The following AGO2 variants were observed in gnomAD, a reference collection of about 807,000 sequenced individuals.
The protein encoded by AGO2 is protein argonaute-2.
Under a neutral mutation model 102.3 loss-of-function variants are expected in AGO2, and 5 were observed. That is an observed-to-expected ratio of 0.05 (90% CI 0.03 to 0.10). The LOEUF (loss-of-function observed/expected upper bound fraction) is 0.10, where lower values mean the gene tolerates loss of function less well. AGO2 is among the 10% of genes least tolerant of loss of function. The pLI is 1.00. For missense variants in AGO2, 541 were observed against 1,183.7 expected (o/e 0.46, Z 7.97); for synonymous variants, 449 against 473.1 (o/e 0.95, Z 0.66).
intron 1 of AGO2, among the ~76,000 whole-genome samples, chr8:140,634,736 G>C (rs769149986): frequency 5.6e-4 from 86 of 152,370 alleles, no homozygotes; most frequent in Non-Finnish European, 9.6e-4. Flanking sequence ...CACTTGAATG[G>C]GGAGGCCGGC....
chr8:140,628,255 G>A (rs2074299337), intron 1 of AGO2, among the ~76,000 whole-genome samples: 2 of 152,324 alleles, frequency 1.3e-5, no homozygotes, highest in South Asian at 4.1e-4. Flanking sequence ...CTGCCTTACT[G>A]GGGCTGCCAG....
At position 140,584,053 on chromosome 8, in the gene AGO2, C is replaced by T. The variant is rs532491654; in HGVS notation, c.215+1066G>A. ...CTCTATCCTATTGGTTCTGTCGCTC[C>T]GGAGGATGCTTACAAATGCAATGTA... On this transcript the variant is annotated intron_variant, in intron 2 of 18. Transcript: ENST00000220592. Among the ~76,000 whole-genome samples, 6 of 150,866 alleles carry T rather than the reference C, an allele frequency of 4.0e-5. No homozygotes were observed. In the East Asian group the frequency reaches 5.8e-4, roughly 15 times the overall value.
intron 12 of AGO2, 79 bp from the exon 13 acceptor site, chr8:140,547,706 C>G: frequency 6.5e-7 from 1 of 1,528,650 alleles, no homozygotes; most frequent in Non-Finnish European, 8.8e-7. Flanking sequence ...CTGCCACCAG[C>G]CCTCTTGCCC....
chr8:140,561,926 C>T (rs1488816114), intron 4 of AGO2, among the ~76,000 whole-genome samples: 1 of 152,240 alleles, frequency 6.6e-6, no homozygotes, highest in Admixed American at 6.5e-5. Flanking sequence ...GAAATTAGTG[C>T]AACCCTCTGC....
intron 17 of AGO2, among the ~76,000 whole-genome samples, chr8:140,534,762 C>CTCTGCAGG (rs2072665552): frequency 6.6e-6 from 1 of 152,192 alleles, no homozygotes; most frequent in East Asian, 1.9e-4. Context: ...ACCAAAAGCC[C>CTCTGCAGG]CTCTGATCAA....
chr8:140,556,951 C>G, intron 8 of AGO2, 138 bp downstream of exon 8: 1 of 1,281,370 alleles, frequency 7.8e-7, no homozygotes, highest in Non-Finnish European at 1.1e-6. Flanking sequence ...CCCATTAACC[C>G]ACCCGCATTC....
At chr8:140,580,356 G>T (rs528794637) in intron 2 of AGO2, among the ~76,000 whole-genome samples, 1 of 152,386 alleles carries the variant, frequency 6.6e-6, no homozygotes, top group East Asian at 1.9e-4. Flanking sequence ...TAAAGCCTCT[G>T]TGTTGGACTC....
Position 140,635,534 on chromosome 8 carries a change from C to T in AGO2, c.-28G>A. ...TGGCGCCGCCGAGGGGCTCCGGGGCCGAGGGGCGGCCGCGCGCGCGCCACG... is the reference window on the plus strand; with the variant it reads ...TGGCGCCGCCGAGGGGCTCCGGGGCTGAGGGGCGGCCGCGCGCGCGCCACG... On this transcript the variant is annotated 5_prime_UTR_variant, in exon 1 of 19. Transcript: ENST00000220592. 4.1e-6 allele frequency: 4 copies of T among 978,694 alleles called. No homozygotes were observed. Among genetic ancestry groups the T allele is most frequent in the Non-Finnish European group, 4.8e-6 (4 of 827,082 alleles). 60.6% of individuals were successfully genotyped at this position (978,694 alleles called of 1,614,324 possible). A position where few individuals can be genotyped will look rare whatever the true frequency, so the allele number is the denominator to read the frequency against.
chr8:140,572,775 G>A (rs766658122), intron 3 of AGO2, 37 bp downstream of exon 3: 80 of 1,599,186 alleles, frequency 5.0e-5, no homozygotes, highest in Admixed American at 3.3e-4. Flanking sequence ...TTACTTCACC[G>A]TATGTTACTC....
chr8:140,606,875 T>C (rs936806832), intron 1 of AGO2, among the ~76,000 whole-genome samples: 6 of 149,316 alleles, frequency 4.0e-5, no homozygotes, highest in African/African-American at 1.5e-4. Flanking sequence ...AGACGGAGGT[T>C]GTGGTGAGCC....
At chr8:140,561,855 C>T (rs1286750383) in intron 4 of AGO2, among the ~76,000 whole-genome samples, 1 of 152,220 alleles carries the variant, frequency 6.6e-6, no homozygotes. Flanking sequence ...AGTGTGAGGG[C>T]AGGTGTGCTG....
intron 1 of AGO2, among the ~76,000 whole-genome samples, chr8:140,598,174 C>T (rs62529975): frequency 0.084 from 12,784 of 152,250 alleles, 613 homozygotes; most frequent in Non-Finnish European, 0.11. Flanking sequence ...AAACAGACAC[C>T]CACAAGAGCG....
chr8:140,571,221 A>G (rs2073373427), intron 3 of AGO2, among the ~76,000 whole-genome samples: 1 of 152,114 alleles, frequency 6.6e-6, no homozygotes, highest in Non-Finnish European at 1.5e-5. Context: ...AGAGCCCTAT[A>G]TCGTAACTCG....
chr8:140,557,592 C>T lies in AGO2; in HGVS notation c.879-356G>A, dbSNP rs1183245695. On this transcript the variant is annotated intron_variant, in intron 7 of 18. Transcript: ENST00000220592. The surrounding 1 kb of genome is among the most constrained non-coding windows in gnomAD (Gnocchi z 5.9). ...CTGGAAGCCTTTTACGTGCCGCGCG[C>T]TCCCGGTGCCCAGAAGGCCTGAAGC... Among the ~76,000 whole-genome samples the T allele has an allele frequency of 2.0e-5, 3 of 152,226 alleles. No individual in the cohort carries two copies. The highest frequency in any genetic ancestry group is 4.8e-5 in the African/African-American group (2 of 41,448).
At chr8:140,604,321 A>C (rs983309329) in intron 1 of AGO2, among the ~76,000 whole-genome samples, 1 of 152,246 alleles carries the variant, frequency 6.6e-6, no homozygotes. Context: ...AAATTACATA[A>C]GCGAAAATGC....
rs773713382 is a variant in AGO2 at position 140,535,491 on chromosome 8, G to A, written c.2248C>T (p.Leu750=). The A allele has an allele frequency of 6.2e-7, 1 of 1,614,242 alleles. No homozygotes were observed. Among genetic ancestry groups the A allele is most frequent in the Non-Finnish European group, 8.5e-7 (1 of 1,180,024 alleles). Reference sequence around the variant, plus strand: ...ACCTGGATGCCAGCGTGACTACACAGGTAGAAGTCGAACTCGGTGGGGTGG... The same window carrying A: ...ACCTGGATGCCAGCGTGACTACACAAGTAGAAGTCGAACTCGGTGGGGTGG... ...ITHPTEFDFY[L]CSHAGIQGTS... is the part of the protein sequence containing the mutation. Residue 750 remains leucine (L), a synonymous_variant, in exon 17 of 19, where the codon CTG becomes TTG. Coordinates refer to ENST00000220592, the MANE Select transcript of AGO2 (RefSeq NM_012154.5).
intron 1 of AGO2, among the ~76,000 whole-genome samples, chr8:140,609,948 C>A (rs558279004): frequency 6.7e-6 from 1 of 150,092 alleles, no homozygotes; most frequent in East Asian, 2.0e-4. Context: ...AATCCCAGCA[C>A]GGTGGGAGCC....
chr8:140,547,821 G>A (rs898206944), intron 12 of AGO2, among the ~76,000 whole-genome samples, 194 bp from the exon 13 acceptor site: 1 of 152,238 alleles, frequency 6.6e-6, no homozygotes, highest in South Asian at 2.1e-4. Flanking sequence ...GGGACGCCAA[G>A]CTCCTTGGAG....
intron 1 of AGO2, among the ~76,000 whole-genome samples, chr8:140,635,265 G>C (rs1250940245): frequency 1.4e-5 from 2 of 146,090 alleles, no homozygotes; most frequent in Admixed American, 6.8e-5. Context: ...AGGAGGCCGG[G>C]GCTGCGCGTC....
Sources: allele counts gnomAD v4.1 joint callset (sites outside exome capture counted in the v4.1 genomes callset), GRCh38; gene constraint gnomAD v4.1.1; non-coding constraint Gnocchi (gnomAD v3.1); transcripts MANE v1.5; gene names NCBI Gene and HGNC (gene_info 2026-07-23, HGNC 2026-07-21).